The following RYR2 variants were observed in gnomAD, a reference collection of about 807,000 sequenced individuals.
RYR2 encodes cardiac muscle ryanodine receptor-calcium release channel.
In RYR2, 227 loss-of-function variants were observed where a neutral mutation model predicts 601.1. The ratio of observed to expected loss-of-function variants is 0.38; its 90% confidence interval spans 0.34 to 0.42. The LOEUF (loss-of-function observed/expected upper bound fraction) is 0.42. Among genes scored for constraint, RYR2 ranks in the 10% least tolerant of loss-of-function variants. The pLI, the probability that RYR2 is intolerant of heterozygous loss-of-function variation, is 1.00. For synonymous variants in RYR2, 2,223 were observed against 2,175.1 expected (o/e 1.02, Z -0.61); for missense variants, 4,646 against 6,156.5 (o/e 0.75, Z 8.21).
chr1:237,464,119 C>T (rs1236840299), intron 16 of RYR2, among the ~76,000 whole-genome samples: 1 of 152,116 alleles, frequency 6.6e-6, no homozygotes, highest in Non-Finnish European at 1.5e-5. Flanking sequence ...CATATCTGCA[C>T]ATCTTTGCAG....
chr1:237,192,951 T>A (rs1192176027), intron 1 of RYR2, among the ~76,000 whole-genome samples: 1 of 152,014 alleles, frequency 6.6e-6, no homozygotes, highest in Non-Finnish European at 1.5e-5. Flanking sequence ...TCAGTATCCT[T>A]CCGAATCCCA....
intron 3 of RYR2, chr1:237,352,860 G>A: frequency 1.9e-6 from 1 of 515,546 alleles, no homozygotes; most frequent in South Asian, 1.4e-5. Flanking sequence ...ATTTGGATAG[G>A]TATACAAGGG....
intron 25 of RYR2, among the ~76,000 whole-genome samples, chr1:237,542,667 G>A (rs184509921): frequency 3.0e-4 from 45 of 152,220 alleles, no homozygotes; most frequent in African/African-American, 8.7e-4. Context: ...TGCCTCATCC[G>A]GGCCTCTTTA....
At chr1:237,208,871 C>T (rs964113233) in intron 1 of RYR2, among the ~76,000 whole-genome samples, 4 of 145,362 alleles carry the variant, frequency 2.8e-5, no homozygotes, top group African/African-American at 7.6e-5. Context: ...TTGTATTTCC[C>T]CTCGCTATGA....
At chr1:237,423,567 C>A (rs1039445423) in intron 12 of RYR2, among the ~76,000 whole-genome samples, 4 of 152,030 alleles carry the variant, frequency 2.6e-5, no homozygotes, top group African/African-American at 4.8e-5. Flanking sequence ...ATGAAAATAC[C>A]TATTATACGT....
At chr1:237,286,757 T>C (rs902279325) in intron 2 of RYR2, among the ~76,000 whole-genome samples, 1 of 152,054 alleles carries the variant, frequency 6.6e-6, no homozygotes, top group South Asian at 2.1e-4. Context: ...ATCCATTCTG[T>C]GGTTCTATAT....
chr1:237,574,245 C>T (rs528368880), intron 29 of RYR2, among the ~76,000 whole-genome samples: 6 of 152,136 alleles, frequency 3.9e-5, no homozygotes, highest in Non-Finnish European at 7.3e-5. Context: ...TGTGTGGAAG[C>T]AGTTTTTAGA....
Position 237,731,333 on chromosome 1 carries a change from C to T in RYR2, c.10936-713C>T, listed in dbSNP as rs543101655. Among the ~76,000 whole-genome samples the T allele has an allele frequency of 2.5e-4, 38 of 151,728 alleles. No individual in the cohort carries two copies. In the South Asian group the frequency reaches 6.7e-3, roughly 27 times the overall value. On this transcript the variant is annotated intron_variant, in intron 77 of 104. Transcript: ENST00000366574. ...AATAAAAATGCTTAATAATTTTCCT[C>T]GCTATTAAAGTTCTATCCGATAGTA... is the stretch of plus-strand genomic sequence containing the variant.
chr1:237,432,405 C>G (rs749719352), intron 12 of RYR2, among the ~76,000 whole-genome samples: 11 of 152,132 alleles, frequency 7.2e-5, no homozygotes, highest in Non-Finnish European at 1.3e-4. Context: ...CAAAGCTACT[C>G]TAAGACTGGG....
At chr1:237,081,578 A>T (rs1411420643) in intron 1 of RYR2, among the ~76,000 whole-genome samples, 2 of 151,930 alleles carry the variant, frequency 1.3e-5, no homozygotes, top group South Asian at 2.1e-4. Flanking sequence ...TCATGCATTT[A>T]TGTTCCAGAT....
rs747091022 is a variant in RYR2, at chr1:237,781,579, T to G, written c.11895T>G (p.Ile3965Met). 2 of 1,565,564 alleles carry G rather than the reference T, an allele frequency of 1.3e-6. No homozygotes were observed. Among genetic ancestry groups the G allele is most frequent in the Non-Finnish European group, 1.8e-6 (2 of 1,142,336 alleles). ...CATATTTTCAGGATTCCAGTCAAAT[T>G]GAGCTATTAAAAGAATTAATGGATC... ...QMKLSQDSSQ[I>M]ELLKELMDLQ... Residue 3965 changes from isoleucine to methionine, a missense_variant, in exon 89 of 105, where the codon ATT (isoleucine) becomes ATG (methionine). Around this residue, in one of 17 missense-constraint regions of RYR2, gnomAD observed 90 missense variants for 213.3 expected, o/e 0.42. Coordinates refer to ENST00000366574, the MANE Select transcript of RYR2 (RefSeq NM_001035.3).
intron 44 of RYR2, among the ~76,000 whole-genome samples, chr1:237,636,858 A>T (rs1680927343): frequency 7.3e-6 from 1 of 136,066 alleles, no homozygotes; most frequent in Non-Finnish European, 1.7e-5. Flanking sequence ...CCCACAATAA[A>T]AAAGAATGAA....
chr1:237,721,054 A>G (rs1487596395), intron 73 of RYR2, among the ~76,000 whole-genome samples: 1 of 152,230 alleles, frequency 6.6e-6, no homozygotes. Flanking sequence ...AGGCAGGCAT[A>G]TTAATGAGAT....
At chr1:237,325,906 G>A (rs952687542) in intron 2 of RYR2, among the ~76,000 whole-genome samples, 4 of 151,978 alleles carry the variant, frequency 2.6e-5, no homozygotes, top group Admixed American at 6.6e-5. Context: ...CCTTCACGCC[G>A]AGGGAGAAAA....
chr1:237,729,887 T>C (rs1478741991), intron 76 of RYR2, among the ~76,000 whole-genome samples: 1 of 152,184 alleles, frequency 6.6e-6, no homozygotes, highest in East Asian at 1.9e-4. Flanking sequence ...AGACATGTTA[T>C]ATGATAATAG....
chr1:237,215,108 T>G (rs948703862), intron 1 of RYR2, among the ~76,000 whole-genome samples: 8 of 152,228 alleles, frequency 5.3e-5, no homozygotes, highest in Non-Finnish European at 1.2e-4. Context: ...ATGTAGTATA[T>G]CTTCCTTTGG....
rs149122015 is a variant in RYR2 at position 237,665,935 on chromosome 1, A to G, written c.8437-577A>G. Among the ~76,000 whole-genome samples the G allele has an allele frequency of 1.9e-3, 291 of 152,300 alleles. 2 individuals carry two copies. The highest frequency in any genetic ancestry group is 3.9e-3 in the Admixed American group (59 of 15,290). On this transcript the variant is annotated intron_variant, in intron 56 of 104. Transcript: ENST00000366574. ...ACATGCCATTGGGTGGAAGGAGGTA[A>G]GTGCCCAGGATGGTTAGTGAAACTT...
intron 6 of RYR2, among the ~76,000 whole-genome samples, chr1:237,370,010 A>C (rs1700512942): frequency 6.6e-6 from 1 of 152,078 alleles, no homozygotes; most frequent in Non-Finnish European, 1.5e-5. Flanking sequence ...AATTGTACTC[A>C]CCAACTTCTT....
Position 237,723,108 on chromosome 1 carries a change from C to A in RYR2, c.10555-20C>A, listed in dbSNP as rs779826568. On this transcript the variant is annotated intron_variant, in intron 73 of 104. Transcript: ENST00000366574. ...TTAGATTCCCATCTTCCCATTGTAACCTTTTCCTTTTTTCTGCAGTTGGAG... is the reference window on the plus strand; with the variant it reads ...TTAGATTCCCATCTTCCCATTGTAAACTTTTCCTTTTTTCTGCAGTTGGAG... 1 of 1,596,886 alleles carries A rather than the reference C, an allele frequency of 6.3e-7. No individual in the cohort carries two copies. Among genetic ancestry groups the A allele is most frequent in the South Asian group, 1.1e-5 (1 of 87,950 alleles).
Sources: gnomAD v4.1 joint callset for allele counts (sites outside exome capture counted in the v4.1 genomes callset) on GRCh38, gnomAD v4.1.1 for gene constraint, gnomAD v4.1.1 regional missense constraint, MANE v1.5 for transcripts, NCBI Gene and HGNC (gene_info 2026-07-23, HGNC 2026-07-21) for gene names.